The following NBAS variants were observed in gnomAD, a reference collection of about 807,000 sequenced individuals.
NBAS encodes NAG/BC035112 fusion.
Under a neutral mutation model 302.5 loss-of-function variants are expected in NBAS, and 219 were observed. The ratio of observed to expected loss-of-function variants is 0.72; its 90% CI spans 0.65 to 0.81. The LOEUF (loss-of-function observed/expected upper bound fraction) is 0.81, where lower values mean the gene tolerates loss of function less well. NBAS is among the 30% of genes least tolerant of loss of function. The pLI, the probability that NBAS is intolerant of heterozygous loss-of-function variation, is 0.00. For synonymous variants in NBAS, 1,118 were observed against 1,021.6 expected, an observed-to-expected ratio of 1.09 and a Z score of -1.80; for missense variants, 2,932 against 2,841.6, an observed-to-expected ratio of 1.03 and a Z score of -0.72.
chr2:15,190,319 A>G lies in NBAS; in HGVS notation c.6517T>C (p.Phe2173Leu). ...TGCAAAAGTAAAACCAAGTGCTGAA[A>G]TTCAGCCTCGTGGTGACTAGATTCC... ...LLESSHHEAE[F>L]QHLVLLLQAW... Residue 2173 changes from phenylalanine (F) to leucine (L), a missense_variant, in exon 49 of 52, where the codon TTT becomes CTT. Phe to Leu is a conservative substitution (Grantham distance 22, BLOSUM62 0). Transcript: ENST00000281513. 6.2e-7 allele frequency: 1 copy of G among 1,614,034 alleles called. No individual in the cohort carries two copies. The highest frequency in any genetic ancestry group is 8.5e-7 in the Non-Finnish European group (1 of 1,179,938).
At chr2:15,454,554 G>A (rs1679163891) in intron 21 of NBAS, among the ~76,000 whole-genome samples, 1 of 152,222 alleles carries the variant, frequency 6.6e-6, no homozygotes. Context: ...CTCATTTGCT[G>A]ATGCACAATT....
At chr2:14,970,706 C>G in the NBAS span, among the ~76,000 whole-genome samples, 15 of 152,136 alleles carry the variant, frequency 9.9e-5, no homozygotes, top group Non-Finnish European at 1.9e-4. Context: ...TACCCTGGGA[C>G]CAGGTGTGAA....
the NBAS span, among the ~76,000 whole-genome samples, chr2:14,838,588 C>T: frequency 2.6e-5 from 4 of 151,942 alleles, no homozygotes; most frequent in African/African-American, 9.7e-5. Context: ...TTTTTATTTA[C>T]ATTGTCTTGT....
the NBAS span, among the ~76,000 whole-genome samples, chr2:14,885,403 A>T: frequency 6.6e-6 from 1 of 152,310 alleles, no homozygotes; most frequent in South Asian, 2.1e-4. Flanking sequence ...TGTTTTCCTG[A>T]GATACAGAAT....
At chr2:15,516,808 A>G (rs1392485011) in intron 9 of NBAS, among the ~76,000 whole-genome samples, 1 of 152,134 alleles carries the variant, frequency 6.6e-6, no homozygotes, top group Non-Finnish European at 1.5e-5. Flanking sequence ...ATTTATAAAG[A>G]TCTCCCAAAA....
At chr2:15,174,281 T>C (rs2125107697) in intron 51 of NBAS, among the ~76,000 whole-genome samples, 1 of 152,328 alleles carries the variant, frequency 6.6e-6, no homozygotes, top group Middle Eastern at 3.4e-3. Context: ...GCTTGGACAC[T>C]GGCCACTGTA....
intron 23 of NBAS, among the ~76,000 whole-genome samples, chr2:15,420,873 A>G (rs908241214): frequency 2.6e-5 from 4 of 152,194 alleles, no homozygotes; most frequent in Non-Finnish European, 4.4e-5. Flanking sequence ...ATGCCACGCA[A>G]TAATAAAGGC....
chr2:15,387,196 T>C (rs910413000), intron 28 of NBAS, among the ~76,000 whole-genome samples: 13 of 152,018 alleles, frequency 8.6e-5, no homozygotes, highest in African/African-American at 3.1e-4. Context: ...GCCTCCCAAG[T>C]AGCTGGGACT....
At chr2:15,470,651 T>G (rs564079744) in intron 16 of NBAS, among the ~76,000 whole-genome samples, 10 of 152,304 alleles carry the variant, frequency 6.6e-5, no homozygotes, top group Non-Finnish European at 8.8e-5. Context: ...TCCTTCCAAA[T>G]CCCTGCTCCA....
chr2:14,841,250 C>T, the NBAS span, among the ~76,000 whole-genome samples: 1 of 151,224 alleles, frequency 6.6e-6, no homozygotes, highest in East Asian at 1.9e-4. Context: ...CACTTAATCA[C>T]AAAGGAAGAC....
chr2:15,182,915 C>T (rs1245057931), intron 50 of NBAS, among the ~76,000 whole-genome samples: 2 of 152,052 alleles, frequency 1.3e-5, no homozygotes, highest in Non-Finnish European at 2.9e-5. Flanking sequence ...AGTCTGTAAG[C>T]ATGGGAGCTT....
chr2:15,063,085 C>G, the NBAS span, among the ~76,000 whole-genome samples: 2 of 152,316 alleles, frequency 1.3e-5, no homozygotes, highest in South Asian at 4.1e-4. Flanking sequence ...CATTGTCAAT[C>G]CTTGACTCTA....
rs1667712655 is a variant in NBAS, at chr2:15,238,580, G to A, written c.5831C>T (p.Ala1944Val). The change falls in exon 45 of 52, where the codon GCT becomes GTT. Residue 1944 changes from alanine to valine, a missense_variant. Ala to Val is a moderately conservative substitution (Grantham distance 64). Transcript: ENST00000281513. ...TGCATAGGTAACTTTAGAATCCTTA[G>A]CTTCTTGAGCTTCGTCTTCTGAGTT... is the stretch of plus-strand genomic sequence containing the variant. The part of the protein sequence containing the change: ...KRNSEDEAQE[A>V]KDSKVTYADT... The A allele has an allele frequency of 1.2e-6, 2 of 1,613,912 alleles. No individual in the cohort carries two copies. Among genetic ancestry groups the A allele is most frequent in the East Asian group, 4.5e-5 (2 of 44,864 alleles).
chr2:15,317,117 G>A (rs375526461), intron 38 of NBAS, among the ~76,000 whole-genome samples: 56 of 152,308 alleles, frequency 3.7e-4, no homozygotes, highest in Middle Eastern at 3.4e-3. Flanking sequence ...CGTCTGGAGT[G>A]GACCTCCAGC....
chr2:15,224,589 G>A (rs1667080243), intron 47 of NBAS, among the ~76,000 whole-genome samples: 1 of 152,194 alleles, frequency 6.6e-6, no homozygotes, highest in Admixed American at 6.5e-5. Flanking sequence ...CATACATGAA[G>A]TCAGGATGTT....
chr2:15,557,109 G>A (rs1489291452), intron 2 of NBAS, among the ~76,000 whole-genome samples: 1 of 152,096 alleles, frequency 6.6e-6, no homozygotes, highest in Admixed American at 6.5e-5. Flanking sequence ...AATCTAAGAA[G>A]CTTTCATGAA....
intron 9 of NBAS, 113 bp from the exon 10 acceptor site, chr2:15,511,463 A>G: frequency 1.1e-6 from 1 of 916,136 alleles, no homozygotes; most frequent in Non-Finnish European, 1.7e-6. Context: ...TACTATTAAT[A>G]TATGTTAAAC....
At chr2:15,100,787 A>G in the NBAS span, among the ~76,000 whole-genome samples, 1 of 152,214 alleles carries the variant, frequency 6.6e-6, no homozygotes, top group Non-Finnish European at 1.5e-5. Context: ...TTTTTAAAAA[A>G]CATTTCCATC....
chr2:15,511,377 C>T (rs1358051353), intron 9 of NBAS, 27 bp from the exon 10 acceptor site: 4 of 1,602,988 alleles, frequency 2.5e-6, no homozygotes, highest in East Asian at 2.2e-5. Flanking sequence ...TTTTAAAAAT[C>T]GATAAATTGC....
Sources: allele counts gnomAD v4.1 joint callset (sites outside exome capture counted in the v4.1 genomes callset), GRCh38; gene constraint gnomAD v4.1.1; transcripts MANE v1.5; gene names NCBI Gene and HGNC (gene_info 2026-07-23, HGNC 2026-07-21).